PCDH9: variants seen among roughly 807,000 people sequenced by gnomAD.
PCDH9 encodes the protein protocadherin-9.
A neutral mutation model predicts 70.6 loss-of-function variants in PCDH9; 24 were observed. The ratio of observed to expected loss-of-function variants is 0.34; its 90% confidence interval spans 0.25 to 0.48. PCDH9 has a LOEUF of 0.48. Ranked by LOEUF, PCDH9 falls within the 20% of genes least tolerant of loss-of-function variation. The pLI is 0.99. For missense variants in PCDH9, 1,281 were observed against 1,503.6 expected, an observed-to-expected ratio of 0.85 and a Z score of 2.45; for synonymous variants, 562 against 558.5, an observed-to-expected ratio of 1.01 and a Z score of -0.09.
chr13:67,073,343 T>A (rs1159878653), intron 2 of PCDH9, among the ~76,000 whole-genome samples: 1 of 152,122 alleles, frequency 6.6e-6, no homozygotes, highest in African/African-American at 2.4e-5. Flanking sequence ...AATATTATGA[T>A]GAAACTTTAT....
chr13:66,665,964 A>G (rs1041025984), intron 3 of PCDH9, among the ~76,000 whole-genome samples: 1 of 152,192 alleles, frequency 6.6e-6, no homozygotes, highest in Non-Finnish European at 1.5e-5. Context: ...ATCAAGCCAA[A>G]GATTTCTCCT....
intron 3 of PCDH9, among the ~76,000 whole-genome samples, chr13:66,802,576 T>A (rs1269189196): frequency 6.6e-6 from 1 of 152,110 alleles, no homozygotes; most frequent in Admixed American, 6.6e-5. Flanking sequence ...GGTTATTTAA[T>A]CTGATATAAA....
At chr13:66,731,309 C>A (rs1377700189) in intron 3 of PCDH9, among the ~76,000 whole-genome samples, 1 of 152,054 alleles carries the variant, frequency 6.6e-6, no homozygotes, top group African/African-American at 2.4e-5. Context: ...GGATTGGTGT[C>A]AAAGTCAGAC....
chr13:66,985,859 G>A (rs1267095808), intron 2 of PCDH9: 2 of 151,870 alleles, frequency 1.3e-5, no homozygotes, highest in South Asian at 2.1e-4. Flanking sequence ...AATCAATCTG[G>A]AGAAAAAAAT....
At chr13:66,713,984 T>C (rs962633378) in intron 3 of PCDH9, among the ~76,000 whole-genome samples, 1 of 152,098 alleles carries the variant, frequency 6.6e-6, no homozygotes, top group Non-Finnish European at 1.5e-5. Flanking sequence ...TGTGAGTGAT[T>C]GGCAAATTGG....
At chr13:66,779,835 C>A (rs2079961532) in intron 3 of PCDH9, among the ~76,000 whole-genome samples, 1 of 24,030 alleles carries the variant, frequency 4.2e-5, no homozygotes, top group Non-Finnish European at 1.0e-4. Context: ...CTCTCTCTCT[C>A]TCTCTCTCTC....
intron 3 of PCDH9, among the ~76,000 whole-genome samples, chr13:66,811,681 T>TAAC (rs2080509087): frequency 1.3e-5 from 2 of 149,196 alleles, no homozygotes; most frequent in African/African-American, 5.1e-5. Flanking sequence ...TGCCTGCCTG[T>TAAC]CTGCCTTCTT....
At chr13:66,706,819 T>C (rs1297161188) in intron 3 of PCDH9, among the ~76,000 whole-genome samples, 1 of 152,146 alleles carries the variant, frequency 6.6e-6, no homozygotes, top group Non-Finnish European at 1.5e-5. Flanking sequence ...AAGAGTCAGT[T>C]ATCAAATGTT....
chr13:66,426,425 CCTAT>C (rs150889817), intron 4 of PCDH9, among the ~76,000 whole-genome samples: 11,958 of 151,460 alleles, frequency 0.079, 548 homozygotes, highest in Middle Eastern at 0.12. Context: ...AGTTTATTGG[CCTAT>C]CTATTTTGTT....
intron 2 of PCDH9, among the ~76,000 whole-genome samples, chr13:67,040,832 A>G (rs1194268726): frequency 9.3e-5 from 14 of 150,340 alleles, no homozygotes; most frequent in Admixed American, 9.3e-4. Flanking sequence ...AATACATCAA[A>G]TTGCAGTTTG....
chr13:66,912,932 G>C (rs1263559460), intron 2 of PCDH9, among the ~76,000 whole-genome samples: 3 of 151,974 alleles, frequency 2.0e-5, no homozygotes, highest in Non-Finnish European at 4.4e-5. Context: ...ATATTTCTTT[G>C]TATTATGAAA....
intron 3 of PCDH9, among the ~76,000 whole-genome samples, chr13:66,899,626 A>G (rs1366929043): frequency 6.6e-6 from 1 of 152,016 alleles, no homozygotes; most frequent in Non-Finnish European, 1.5e-5. Context: ...AGACACTGAA[A>G]GCTCTGCTTG....
At chr13:66,353,428 G>C (rs1466800401) in intron 4 of PCDH9, among the ~76,000 whole-genome samples, 1 of 152,120 alleles carries the variant, frequency 6.6e-6, no homozygotes, top group African/African-American at 2.4e-5. Flanking sequence ...TGTATCTGTG[G>C]ATGTTAAAAA....
intron 3 of PCDH9, among the ~76,000 whole-genome samples, chr13:66,858,677 T>A (rs185466273): frequency 1.2e-4 from 19 of 152,306 alleles, no homozygotes; most frequent in Non-Finnish European, 4.4e-5. Context: ...ATGGCAACCA[T>A]GAGACAGAGT....
At chr13:66,908,635 C>T (rs2082404215) in intron 2 of PCDH9, among the ~76,000 whole-genome samples, 1 of 152,082 alleles carries the variant, frequency 6.6e-6, no homozygotes, top group East Asian at 1.9e-4. Context: ...AGTATAGATT[C>T]TTATTATTTC....
chr13:66,692,466 A>G (rs1246916376), intron 3 of PCDH9, among the ~76,000 whole-genome samples: 1 of 152,060 alleles, frequency 6.6e-6, no homozygotes, highest in Admixed American at 6.5e-5. Flanking sequence ...TAAAGTTCAC[A>G]TGGTAGGAAT....
intron 2 of PCDH9, among the ~76,000 whole-genome samples, chr13:67,160,254 A>C (rs2138414225): frequency 6.6e-6 from 1 of 152,312 alleles, no homozygotes; most frequent in South Asian, 2.1e-4. Flanking sequence ...TTTGATTAAA[A>C]ACACAACCTG....
At chr13:66,650,129 T>C (rs566154464) in intron 3 of PCDH9, among the ~76,000 whole-genome samples, 1 of 152,022 alleles carries the variant, frequency 6.6e-6, no homozygotes, top group South Asian at 2.1e-4. Flanking sequence ...AGTAAATCTT[T>C]ACTTACCAAT....
At chr13:66,655,289 G>T (rs1015893452) in intron 3 of PCDH9, among the ~76,000 whole-genome samples, 5 of 151,942 alleles carry the variant, frequency 3.3e-5, no homozygotes, top group Non-Finnish European at 7.4e-5. Flanking sequence ...ATAAAATAAG[G>T]CCCAAAAGAG....
Sources: allele counts gnomAD v4.1 joint callset (sites outside exome capture counted in the v4.1 genomes callset), GRCh38; gene constraint gnomAD v4.1.1; transcripts MANE v1.5; gene names NCBI Gene and HGNC (gene_info 2026-07-23, HGNC 2026-07-21).